The following ITGAV variants were observed in gnomAD, a reference collection of about 807,000 sequenced individuals.
ITGAV encodes the protein integrin alpha-V.
A neutral mutation model predicts 143.8 loss-of-function variants in ITGAV; 76 were observed. That is an observed-to-expected ratio of 0.53 (90% CI 0.44 to 0.64). ITGAV has a LOEUF of 0.64. ITGAV is among the 30% of genes least tolerant of loss of function. ITGAV has a pLI of 0.00. For missense variants in ITGAV, 1,193 were observed against 1,274.7 expected, an observed-to-expected ratio of 0.94 and a Z score of 0.98; for synonymous variants, 453 against 446.7, an observed-to-expected ratio of 1.01 and a Z score of -0.18.
intron 8 of ITGAV, 58 bp downstream of exon 8, chr2:186,637,167 C>T: frequency 7.0e-7 from 1 of 1,429,252 alleles, no homozygotes; most frequent in Non-Finnish European, 9.9e-7. Context: ...GTATTTGAAA[C>T]ATGTGGCATT....
In ITGAV at chr2:186,636,872, CTA is replaced by C. The variant is rs199937078; in HGVS notation, c.758-191_758-190del. ...ATTGTAGTTTTGTAATAAAAATAGACTATTTGAGTATTTAACTCAGTTTCATT... is the reference window on the plus strand; with the variant it reads ...ATTGTAGTTTTGTAATAAAAATAGACTTTGAGTATTTAACTCAGTTTCATT... On this transcript the variant is annotated intron_variant, in intron 7 of 29. Transcript: ENST00000261023. Among the ~76,000 whole-genome samples, 15 of 152,242 alleles carry C rather than the reference CTA, an allele frequency of 9.9e-5. No homozygotes were observed. In the East Asian group the frequency reaches 2.3e-3, roughly 24 times the overall value.
intron 2 of ITGAV, among the ~76,000 whole-genome samples, chr2:186,617,759 T>C (rs1687406669): frequency 6.6e-6 from 1 of 152,348 alleles, no homozygotes; most frequent in South Asian, 2.1e-4. Flanking sequence ...TATTTTATTG[T>C]GTGAGATACT....
At chr2:186,623,776 A>G (rs1687597671) in intron 3 of ITGAV, among the ~76,000 whole-genome samples, 1 of 152,164 alleles carries the variant, frequency 6.6e-6, no homozygotes, top group Non-Finnish European at 1.5e-5. Flanking sequence ...CACCCTATTC[A>G]CTAGTGAGCA....
At chr2:186,598,498 C>T (rs769068159) in intron 1 of ITGAV, among the ~76,000 whole-genome samples, 116 of 142,898 alleles carry the variant, frequency 8.1e-4, no homozygotes, top group African/African-American at 2.8e-3. Context: ...ACTGCAGTGG[C>T]GCAATCTTGG....
chr2:186,671,214 C>G (rs1224487139), intron 26 of ITGAV, among the ~76,000 whole-genome samples: 1 of 152,106 alleles, frequency 6.6e-6, no homozygotes, highest in African/African-American at 2.4e-5. Context: ...AAATATAGGT[C>G]AGGTTGTGTC....
chr2:186,616,189 T>C (rs575530340), intron 2 of ITGAV, among the ~76,000 whole-genome samples: 11 of 152,218 alleles, frequency 7.2e-5, no homozygotes, highest in Admixed American at 7.2e-4. Context: ...ATTATAAATA[T>C]ATCACTGTTG....
intron 2 of ITGAV, among the ~76,000 whole-genome samples, chr2:186,603,596 A>G (rs1458005107): frequency 6.6e-6 from 1 of 152,228 alleles, no homozygotes; most frequent in Non-Finnish European, 1.5e-5. Flanking sequence ...GTGACTCAGA[A>G]TATGATAGTT....
Position 186,616,777 on chromosome 2 carries a change from A to G in ITGAV, c.317-5562A>G, listed in dbSNP as rs1286819456. ...TCGTTTAATGCTATATTACTAGCAT[A>G]TAGACATAGGAGGTACCCATGATTT... On this transcript the variant is annotated intron_variant, in intron 2 of 29. Coordinates refer to ENST00000261023, the MANE Select transcript of ITGAV (RefSeq NM_002210.5). Among the ~76,000 whole-genome samples, 7 of 152,162 alleles carry G rather than the reference A, an allele frequency of 4.6e-5. No individual in the cohort carries two copies. In the East Asian group the frequency reaches 9.6e-4, roughly 21 times the overall value.
rs1168435795 is a variant in ITGAV, at chr2:186,622,341, A to G, written c.319A>G (p.Asn107Asp). The G allele has an allele frequency of 4.4e-6, 7 of 1,607,516 alleles. No individual in the cohort carries two copies. Among genetic ancestry groups the G allele is most frequent in the East Asian group, 4.5e-5 (2 of 44,840 alleles). Residue 107 changes from asparagine (N) to aspartate (D), a missense_variant and splice_region_variant, in exon 3 of 30, where the codon AAT becomes GAT. Coordinates refer to ENST00000261023, the MANE Select transcript of ITGAV (RefSeq NM_002210.5). ...CQPIEFDATG[N>D]RDYAKDDPLE... ...CCACTCACAATATTCTTTTTTAGGCAATAGAGATTATGCCAAGGATGATCC... is the reference window on the plus strand; with the variant it reads ...CCACTCACAATATTCTTTTTTAGGCGATAGAGATTATGCCAAGGATGATCC...
intron 16 of ITGAV, among the ~76,000 whole-genome samples, chr2:186,655,483 G>T (rs756278004): frequency 3.3e-5 from 5 of 152,214 alleles, no homozygotes; most frequent in Non-Finnish European, 5.9e-5. Context: ...AATGTGCTCA[G>T]TGGTTGAGAA....
intron 24 of ITGAV, 86 bp downstream of exon 24, chr2:186,667,862 A>T: frequency 1.4e-6 from 1 of 690,618 alleles, no homozygotes. Context: ...AAAAAATTCT[A>T]TGTAATTTTT....
In ITGAV at chr2:186,605,605, G is replaced by A. The variant is rs371687593; in HGVS notation, c.316+3454G>A. Among the ~76,000 whole-genome samples, 3 of 151,888 alleles carry A rather than the reference G, an allele frequency of 2.0e-5. No individual in the cohort carries two copies. In the South Asian group the frequency reaches 6.2e-4, roughly 32 times the overall value. On this transcript the variant is annotated intron_variant, in intron 2 of 29. Coordinates refer to ENST00000261023, the MANE Select transcript of ITGAV (RefSeq NM_002210.5). The stretch of plus-strand genomic sequence containing the variant: ...GGACCGTTTTTTATCTTTGTTCATT[G>A]CTGAGACTCCAGGGCCTAAACATTG...
At chr2:186,665,307 C>A in intron 21 of ITGAV, 89 bp downstream of exon 21, 1 of 796,988 alleles carries the variant, frequency 1.3e-6, no homozygotes, top group South Asian at 1.5e-5. Flanking sequence ...TAAAAATAAA[C>A]ACTTCAAAAC....
chr2:186,594,801 C>T (rs1204731141), intron 1 of ITGAV, among the ~76,000 whole-genome samples: 1 of 152,162 alleles, frequency 6.6e-6, no homozygotes. Flanking sequence ...ATGATGCCAG[C>T]TCATTTTTTA....
chr2:186,641,648 C>G, intron 12 of ITGAV, 60 bp downstream of exon 12: 1 of 1,402,364 alleles, frequency 7.1e-7, no homozygotes. Context: ...TGGAAAAGTT[C>G]TGTAAGTCCA....
rs142312022 is a variant in ITGAV at position 186,602,022 on chromosome 2, C to T, written c.187C>T (p.Arg63Trp). 87 of 1,604,820 alleles carry T rather than the reference C, an allele frequency of 5.4e-5. No homozygotes were observed. Among genetic ancestry groups the T allele is most frequent in the African/African-American group, 1.5e-4 (11 of 74,410 alleles). Residue 63 changes from arginine to tryptophan, a missense_variant and splice_region_variant, in exon 2 of 30, where the codon CGG (arginine) becomes TGG (tryptophan). Arg to Trp is a moderately radical substitution (Grantham distance 101). Coordinates refer to ENST00000261023, the MANE Select transcript of ITGAV (RefSeq NM_002210.5). ...TGGTCTGCCGCTTTTGTATTTTAGC[C>T]GGATGTTTCTTCTCGTGGGAGCTCC... ...VDFFVPSASS[R>W]MFLLVGAPKA...
At chr2:186,671,382 C>G (rs1312317256) in intron 26 of ITGAV, among the ~76,000 whole-genome samples, 1 of 152,064 alleles carries the variant, frequency 6.6e-6, no homozygotes, top group Non-Finnish European at 1.5e-5. Flanking sequence ...GAACAGATAG[C>G]CCCAAGCATG....
chr2:186,619,313 A>T (rs2370696), intron 2 of ITGAV, among the ~76,000 whole-genome samples: 12,164 of 152,148 alleles, frequency 0.08, 718 homozygotes, highest in South Asian at 0.13. Flanking sequence ...CAGAAAATTA[A>T]ACACTGCATG....
At chr2:186,654,576 T>G in intron 15 of ITGAV, 74 bp from the exon 16 acceptor site, 6 of 696,984 alleles carry the variant, frequency 8.6e-6, no homozygotes, top group South Asian at 1.9e-5. Context: ...AGTAGAAAGA[T>G]GAGATGTGGG....
Sources: gnomAD v4.1 joint callset for allele counts (sites outside exome capture counted in the v4.1 genomes callset) on GRCh38, gnomAD v4.1.1 for gene constraint, MANE v1.5 for transcripts, NCBI Gene and HGNC (gene_info 2026-07-23, HGNC 2026-07-21) for gene names.